Variants in ZMIZ1 observed in about 807,000 individuals in gnomAD.
The protein encoded by ZMIZ1 is zinc finger MIZ domain-containing protein 1.
In ZMIZ1, 17 loss-of-function variants were observed where a neutral mutation model predicts 113.9. That is an observed-to-expected ratio of 0.15 (90% CI 0.10 to 0.22). The LOEUF is 0.22. Ranked by LOEUF, ZMIZ1 falls within the 10% of genes least tolerant of loss-of-function variation. The probability of loss-of-function intolerance (pLI) is 1.00; values close to 1 mark genes in which losing one functional copy is unlikely to be tolerated. For missense variants in ZMIZ1, 1,059 were observed against 1,477.8 expected (o/e 0.72, Z 4.65); for synonymous variants, 607 against 603.1 (o/e 1.01, Z -0.09).
At chr10:79,072,902 G>C (rs1467032616) in intron 1 of ZMIZ1, among the ~76,000 whole-genome samples, 1 of 152,204 alleles carries the variant, frequency 6.6e-6, no homozygotes, top group Non-Finnish European at 1.5e-5. Context: ...ATGCCCTTTG[G>C]GGGAGTGCTC....
chr10:79,128,959 G>A (rs1844634466), intron 2 of ZMIZ1, among the ~76,000 whole-genome samples: 1 of 152,174 alleles, frequency 6.6e-6, no homozygotes. Flanking sequence ...AGTATTGTAA[G>A]GATTAGATTA....
intron 4 of ZMIZ1, among the ~76,000 whole-genome samples, chr10:79,163,559 G>A (rs1035410544): frequency 2.6e-5 from 4 of 152,246 alleles, no homozygotes; most frequent in Non-Finnish European, 4.4e-5. Flanking sequence ...AGAATCCCAC[G>A]GGGAGGTTTG....
At chr10:79,270,433 A>T (rs1471577331) in intron 7 of ZMIZ1, among the ~76,000 whole-genome samples, 1 of 152,208 alleles carries the variant, frequency 6.6e-6, no homozygotes, top group Non-Finnish European at 1.5e-5. Context: ...CAGCTGGTGC[A>T]GGGCCCTTAG....
chr10:79,297,680 A>G lies in ZMIZ1; in HGVS notation c.1481A>G (p.Asn494Ser), dbSNP rs201206448. 3.7e-6 allele frequency: 6 copies of G among 1,613,822 alleles called. No homozygotes were observed. Among genetic ancestry groups the G allele is most frequent in the Non-Finnish European group, 3.4e-6 (4 of 1,179,824 alleles). Reference sequence around the variant, plus strand: ...AGCTACAGTAACTACAGCCAAGGGAATGTCAACAGGGTATGTTCCAATTTA... The same window carrying G: ...AGCTACAGTAACTACAGCCAAGGGAGTGTCAACAGGGTATGTTCCAATTTA... Reference protein sequence around the residue: ...GSSYSNYSQGNVNRPPRPVPV... With the variant: ...GSSYSNYSQGSVNRPPRPVPV... The change falls in exon 14 of 25, where the codon AAT (asparagine) becomes AGT (serine). Residue 494 changes from asparagine (N) to serine (S), a missense_variant. Around this residue, in one of 6 missense-constraint regions of ZMIZ1, gnomAD observed 239 missense variants for 247.5 expected, o/e 0.97. Transcript: ENST00000334512.
intron 7 of ZMIZ1, among the ~76,000 whole-genome samples, chr10:79,260,198 G>A (rs1354850232): frequency 1.3e-5 from 2 of 152,234 alleles, no homozygotes; most frequent in African/African-American, 4.8e-5. Flanking sequence ...ATTGTCACCT[G>A]TGTGCCAGGT....
At chr10:79,085,394 C>G in intron 1 of ZMIZ1, among the ~76,000 whole-genome samples, 1 of 152,210 alleles carries the variant, frequency 6.6e-6, no homozygotes, top group East Asian at 1.9e-4. Flanking sequence ...TGAGTTCCCA[C>G]CTGCCATTTG....
chr10:79,301,989 G>T, intron 17 of ZMIZ1, 118 bp from the exon 18 acceptor site: 1 of 946,160 alleles, frequency 1.1e-6, no homozygotes, highest in Non-Finnish European at 1.7e-6. Flanking sequence ...AGACACCCTG[G>T]GGGAGCCTCC....
intron 22 of ZMIZ1, 24 bp from the exon 23 acceptor site, chr10:79,307,381 C>A: frequency 6.2e-7 from 1 of 1,605,982 alleles, no homozygotes. Flanking sequence ...GACCCCCTCC[C>A]CTCCCCATCT....
intron 4 of ZMIZ1, among the ~76,000 whole-genome samples, chr10:79,167,305 A>G (rs1033214436): frequency 6.6e-6 from 1 of 152,344 alleles, no homozygotes; most frequent in African/African-American, 2.4e-5. Flanking sequence ...TACATTCTTC[A>G]TCATACTAAG....
Position 79,286,679 on chromosome 10 carries a change from G to A in ZMIZ1, c.426-3096G>A, listed in dbSNP as rs1037804670. The stretch of plus-strand genomic sequence containing the variant: ...CAGTTTGGGAACGTTGGTTAGCTTT[G>A]CTTCTCACCAAGTTTGGGGCAGAGG... On this transcript the variant is annotated intron_variant, in intron 8 of 24. Transcript: ENST00000334512. Among the ~76,000 whole-genome samples, 6 of 152,374 alleles carry A rather than the reference G, an allele frequency of 3.9e-5. No homozygotes were observed. In the East Asian group the frequency reaches 5.8e-4, roughly 15 times the overall value.
At chr10:79,165,974 G>GGGCTCTTCCTGCAGCTCAGC (rs1564692823) in intron 4 of ZMIZ1, among the ~76,000 whole-genome samples, 17 of 136,952 alleles carry the variant, frequency 1.2e-4, no homozygotes, top group Admixed American at 4.8e-4. Context: ...GTGTGTGTGT[G>GGGCTCTTCCTGCAGCTCAGC]TGTGTGTGTG....
chr10:79,265,183 AG>A (rs1851519895), intron 7 of ZMIZ1, among the ~76,000 whole-genome samples: 1 of 152,054 alleles, frequency 6.6e-6, no homozygotes, highest in South Asian at 2.1e-4. Flanking sequence ...CGGGCGTGCG[AG>A]GAGTGTTCCT....
rs766528432 is a variant in ZMIZ1, at chr10:79,296,275, A to G, written c.1231-196A>G. ...GAACGGCCTCAAGGGGAGGTGGCCT[A>G]TGATCTGGACAGGCAGAACAAAATG... On this transcript the variant is annotated intron_variant, in intron 12 of 24. Transcript: ENST00000334512. This position sits in a 1 kb window ranked among gnomAD's most constrained non-coding sequence, Gnocchi z 4.1. The G allele has an allele frequency of 9.2e-5, 58 of 629,168 alleles. No homozygotes were observed. The highest frequency in any genetic ancestry group is 1.3e-4 in the Non-Finnish European group (45 of 354,670). The allele number at this position is 629,168 out of a possible 1,614,324, so 39.0% of individuals were successfully genotyped here.
At chr10:79,114,664 C>A (rs185980573) in intron 1 of ZMIZ1, among the ~76,000 whole-genome samples, 1 of 152,280 alleles carries the variant, frequency 6.6e-6, no homozygotes, top group East Asian at 1.9e-4. Context: ...GTCAGCACCC[C>A]CCTCCACAAA....
intron 2 of ZMIZ1, among the ~76,000 whole-genome samples, chr10:79,137,786 G>A (rs1314087004): frequency 6.6e-6 from 1 of 151,900 alleles, no homozygotes; most frequent in East Asian, 1.9e-4. Flanking sequence ...CGTGAGGGCT[G>A]GACCCTGGGG....
At chr10:79,243,558 C>T (rs1849994644) in intron 7 of ZMIZ1, 1 of 146,118 alleles carries the variant, frequency 6.8e-6, no homozygotes, top group South Asian at 2.1e-4. Flanking sequence ...CCGCCCGGGC[C>T]CCCGCGCCGC....
At position 79,154,479 on chromosome 10, in the gene ZMIZ1, C is replaced by T. The variant is rs562520193; in HGVS notation, c.-130-7574C>T. On this transcript the variant is annotated intron_variant, in intron 3 of 24. Coordinates refer to ENST00000334512, the MANE Select transcript of ZMIZ1 (RefSeq NM_020338.4). ...CAAAACTTCTAAGAGAGGCCACCAG[C>T]AGGAAATTCCACTTAGAACCCTGGC... is the stretch of plus-strand genomic sequence containing the variant. 3.9e-5 allele frequency among the ~76,000 whole-genome samples: 6 copies of T among 152,300 alleles called. No homozygotes were observed. The East Asian group carries it at 1.2e-3, about 29-fold the overall frequency.
At chr10:79,077,908 C>G (rs1281393955) in intron 1 of ZMIZ1, among the ~76,000 whole-genome samples, 6 of 152,212 alleles carry the variant, frequency 3.9e-5, no homozygotes, top group African/African-American at 1.4e-4. Flanking sequence ...CTCTGATTTA[C>G]AGATGAGACG....
At chr10:79,306,943 G>T (rs901305297) in intron 22 of ZMIZ1, among the ~76,000 whole-genome samples, 2 of 152,366 alleles carry the variant, frequency 1.3e-5, no homozygotes, top group East Asian at 1.9e-4. Flanking sequence ...CCACATGGTG[G>T]AGGGCACAGT....
Sources: gnomAD v4.1 joint callset for allele counts (sites outside exome capture counted in the v4.1 genomes callset) on GRCh38, gnomAD v4.1.1 for gene constraint, gnomAD v4.1.1 regional missense constraint, Gnocchi (gnomAD v3.1) non-coding constraint, MANE v1.5 for transcripts, NCBI Gene and HGNC (gene_info 2026-07-23, HGNC 2026-07-21) for gene names.